NEB: variants seen among roughly 807,000 people sequenced by gnomAD.
The protein encoded by NEB is nebulin.
NEB carries 512 observed loss-of-function variants against 952.2 expected under a neutral mutation model. That is an observed-to-expected ratio of 0.54 (90% CI 0.50 to 0.58). The LOEUF is 0.58. Among genes scored for constraint, NEB ranks in the 20% least tolerant of loss-of-function variants. NEB has a pLI of 0.00. For synonymous variants in NEB, 2,900 were observed against 3,149.8 expected (o/e 0.92, Z 2.66); for missense variants, 8,428 against 9,231.1 (o/e 0.91, Z 3.56).
chr2:151,728,986 A>G (rs1229927280), intron 4 of NEB, among the ~76,000 whole-genome samples: 1 of 152,148 alleles, frequency 6.6e-6, no homozygotes, highest in East Asian at 1.9e-4. Flanking sequence ...CTTCAGGATT[A>G]ACCATCCATA....
chr2:151,540,602 T>TA, intron 137 of NEB, 95 bp downstream of exon 137: 1 of 1,194,090 alleles, frequency 8.4e-7, no homozygotes. Context: ...GCACCATTTA[T>TA]AGTAATGAGC....
At position 151,612,243 on chromosome 2, in the gene NEB, G is replaced by A. The variant is rs1436399522; in HGVS notation, c.11748C>T (p.Cys3916=). The A allele has an allele frequency of 1.9e-6, 3 of 1,613,872 alleles. No individual in the cohort carries two copies. Among genetic ancestry groups the A allele is most frequent in the Admixed American group, 1.7e-5 (1 of 60,010 alleles). Residue 3916 remains cysteine (C), a synonymous_variant, in exon 78 of 182, where the codon TGC becomes TGT. Transcript: ENST00000397345. The part of the protein sequence containing the change: ...RQPADQLKFT[C]ITDTPEIVLA... ...GGACAATTTCCGGAGTGTCGGTAAT[G>A]CATGTGAATTTGAGCTGGTCTGCAG...
chr2:151,506,358 A>C, intron 163 of NEB, 100 bp from the exon 164 acceptor site: 2 of 872,896 alleles, frequency 2.3e-6, no homozygotes, highest in South Asian at 3.3e-5. Context: ...AAAACAAGAC[A>C]CTAGACGATG....
Position 151,727,735 on chromosome 2 carries a change from G to A in NEB, c.250C>T (p.Pro84Ser). 1.2e-6 allele frequency: 2 copies of A among 1,613,632 alleles called. No individual in the cohort carries two copies. The highest frequency in any genetic ancestry group is 8.5e-7 in the Non-Finnish European group (1 of 1,179,698). The part of the protein sequence containing the change: ...KKVDPSKFMT[P>S]YIAHSQKMQD... ...ATTTTCTGACTGTGTGCAATGTAGG[G>A]GGTCATGAACTTTGAAGGATCCACT... Residue 84 changes from proline to serine, a missense_variant, in exon 5 of 182, where the codon CCC becomes TCC. Pro to Ser is a moderately conservative substitution (Grantham distance 74). Transcript: ENST00000397345.
chr2:151,619,041 G>A (rs2098309118), intron 73 of NEB, among the ~76,000 whole-genome samples: 1 of 152,172 alleles, frequency 6.6e-6, no homozygotes. Context: ...TTTCCCATCA[G>A]TAAGTATAAA....
At chr2:151,612,859 C>T (rs1004461062) in intron 77 of NEB, among the ~76,000 whole-genome samples, 4 of 152,086 alleles carry the variant, frequency 2.6e-5, no homozygotes, top group Non-Finnish European at 4.4e-5. Context: ...ATAAAAACGA[C>T]GTCTTTTTCG....
chr2:151,734,082 T>C (rs539930335), intron 1 of NEB, among the ~76,000 whole-genome samples: 8 of 152,266 alleles, frequency 5.3e-5, no homozygotes, highest in Admixed American at 2.0e-4. Context: ...AGGATAAATA[T>C]AGGAACGTAG....
intron 124 of NEB, among the ~76,000 whole-genome samples, chr2:151,557,996 A>G (rs2095781355): frequency 6.6e-6 from 1 of 152,232 alleles, no homozygotes; most frequent in African/African-American, 2.4e-5. Context: ...CCTATTCAAC[A>G]TAGTATTGGA....
intron 144 of NEB, 73 bp from the exon 145 acceptor site, chr2:151,531,174 T>C (rs1005905457): frequency 6.4e-5 from 65 of 1,008,636 alleles, no homozygotes; most frequent in Admixed American, 1.0e-4. Context: ...AAATGCAAAG[T>C]TTTTTCCTGA....
chr2:151,614,464 T>C lies in NEB; in HGVS notation c.11413A>G (p.Lys3805Glu), dbSNP rs972557338. ...GTCTTCCACTTCTCAAACTCCTTCT[T>C]GTACTCCCTGTCACTCTGGATCTTG... is the stretch of plus-strand genomic sequence containing the variant. The part of the protein sequence containing the change: ...VAKIQSDREY[K>E]KEFEKWKTKF... Residue 3805 changes from lysine to glutamate, a missense_variant, in exon 77 of 182, where the codon AAG becomes GAG. Around this residue, in one of 11 missense-constraint regions of NEB, gnomAD observed 1,772 missense variants for 1,960.3 expected, o/e 0.90. Transcript: ENST00000397345. 1.9e-6 allele frequency: 3 copies of C among 1,613,804 alleles called. No homozygotes were observed. In the African/African-American group the frequency reaches 4.0e-5, roughly 22 times the overall value.
chr2:151,697,248 T>C lies in NEB; in HGVS notation c.1370A>G (p.Asn457Ser). 1 of 1,613,810 alleles carries C rather than the reference T, an allele frequency of 6.2e-7. No individual in the cohort carries two copies. Among genetic ancestry groups the C allele is most frequent in the Non-Finnish European group, 8.5e-7 (1 of 1,179,772 alleles). ...MKVTAQNSDK[N>S]YKAEYEEDRG... ...GTCTTCTTCGTATTCTGCTTTGTAG[T>C]TTTTCTATGAGGAGAAGAAATTAGG... is the stretch of plus-strand genomic sequence containing the variant. The change falls in exon 16 of 182, where the codon AAC becomes AGC. Residue 457 changes from asparagine to serine, a missense_variant. Physicochemically the swap from Asn to Ser is conservative, Grantham distance 46 (BLOSUM62 1). Transcript: ENST00000397345.
rs1201126048 is a variant in NEB, at chr2:151,561,256, G to A, written c.19053C>T (p.Asp6351=). 4 of 1,608,116 alleles carry A rather than the reference G, an allele frequency of 2.5e-6. No homozygotes were observed. The highest frequency in any genetic ancestry group is 3.4e-6 in the Non-Finnish European group (4 of 1,176,998). ...ENLQNYNLVT[D]TPLYVTAVQS... ...GAACAGCAGTCACATAGAGGGGCGT[G>A]TCTGTGACCAGATTATAGTTTTGTA... is the stretch of plus-strand genomic sequence containing the variant. The change falls in exon 122 of 182, where the codon GAC becomes GAT. Residue 6351 remains aspartate (D), a synonymous_variant. Coordinates refer to ENST00000397345, the MANE Select transcript of NEB (RefSeq NM_001164508.2).
chr2:151,570,455 G>A (rs753909079), intron 108 of NEB, 42 bp downstream of exon 108: 15 of 1,583,398 alleles, frequency 9.5e-6, no homozygotes, highest in South Asian at 2.3e-5. Context: ...CTAGGGCATC[G>A]GCTGAAAAAA....
At chr2:151,700,802 G>A (rs11884193) in intron 13 of NEB, among the ~76,000 whole-genome samples, 2,329 of 123,318 alleles carry the variant, frequency 0.019, 4 homozygotes, top group Middle Eastern at 0.042. Flanking sequence ...CAATCATGTC[G>A]TCTGCAAACA....
rs748741238 is a variant in NEB, at chr2:151,679,934, G to C, written c.3131C>G (p.Ala1044Gly). Residue 1044 changes from alanine (A) to glycine (G), a missense_variant, in exon 31 of 182, where the codon GCC (alanine) becomes GGC (glycine). By Grantham distance (60) the Ala-to-Gly change is moderately conservative. Coordinates refer to ENST00000397345, the MANE Select transcript of NEB (RefSeq NM_001164508.2). The stretch of plus-strand genomic sequence containing the variant: ...CCCACGCACCTCACTGATATTGTAG[G>C]CATTAACTTTAGCCTGGATGAACTG... ...LPQFIQAKVN[A>G]YNISENMYKA... The C allele has an allele frequency of 6.2e-6, 10 of 1,612,940 alleles. No homozygotes were observed. The highest frequency in any genetic ancestry group is 1.7e-5 in the Admixed American group (1 of 60,010).
intron 34 of NEB, among the ~76,000 whole-genome samples, chr2:151,675,674 G>A (rs1256562365): frequency 6.6e-6 from 1 of 152,122 alleles, no homozygotes; most frequent in Non-Finnish European, 1.5e-5. Context: ...AAGAATAATA[G>A]AATTCACCAA....
chr2:151,700,202 TG>T (rs2149491466), intron 13 of NEB, among the ~76,000 whole-genome samples: 1 of 35,054 alleles, frequency 2.9e-5, no homozygotes, highest in Admixed American at 3.2e-4. Context: ...CTGAGGGCTC[TG>T]TTCTGTTCCA....
intron 69 of NEB, 69 bp downstream of exon 69, chr2:151,627,454 A>C: frequency 6.4e-7 from 1 of 1,571,646 alleles, no homozygotes; most frequent in Non-Finnish European, 8.7e-7. Context: ...ACCTAATGCT[A>C]GACCACTGTC....
intron 153 of NEB, 33 bp downstream of exon 153, chr2:151,524,278 C>T (rs746193282): frequency 6.4e-6 from 10 of 1,561,998 alleles, no homozygotes; most frequent in African/African-American, 1.4e-5. Flanking sequence ...AATCTCCTCA[C>T]ATGAGAGCCA....
Sources: gnomAD v4.1 joint callset for allele counts (sites outside exome capture counted in the v4.1 genomes callset) on GRCh38, gnomAD v4.1.1 for gene constraint, gnomAD v4.1.1 regional missense constraint, MANE v1.5 for transcripts, NCBI Gene and HGNC (gene_info 2026-07-23, HGNC 2026-07-21) for gene names.